CDH13: variants seen among roughly 807,000 people sequenced by gnomAD.
CDH13 encodes the protein cadherin 13.
CDH13 carries 24 observed loss-of-function variants against 63.8 expected under a neutral mutation model. That is an observed-to-expected ratio of 0.38 (90% CI 0.27 to 0.53). CDH13 has a LOEUF of 0.53. Ranked by LOEUF, CDH13 falls within the 20% of genes least tolerant of loss-of-function variation. CDH13 has a pLI of 0.85. For synonymous variants in CDH13, 503 were observed against 355.3 expected, an observed-to-expected ratio of 1.42 and a Z score of -4.67; for missense variants, 1,049 against 903.1, an observed-to-expected ratio of 1.16 and a Z score of -2.07.
intron 5 of CDH13, among the ~76,000 whole-genome samples, chr16:83,224,580 G>A (rs1208066984): frequency 6.6e-6 from 1 of 152,236 alleles, no homozygotes; most frequent in Admixed American, 6.5e-5. Flanking sequence ...AAGGATTTGG[G>A]TTAAAAGCCC....
At chr16:83,046,698 G>A (rs1187416401) in intron 3 of CDH13, among the ~76,000 whole-genome samples, 3 of 152,128 alleles carry the variant, frequency 2.0e-5, no homozygotes, top group Non-Finnish European at 4.4e-5. Context: ...AGGCAAAAGG[G>A]CTCAAAAAAC....
intron 3 of CDH13, among the ~76,000 whole-genome samples, chr16:83,056,705 C>G (rs765993604): frequency 6.6e-6 from 1 of 152,096 alleles, no homozygotes; most frequent in African/African-American, 2.4e-5. Flanking sequence ...AAGTGCAGCT[C>G]CCATAATCCC....
intron 5 of CDH13, among the ~76,000 whole-genome samples, chr16:83,303,184 G>A (rs1200049066): frequency 6.6e-6 from 1 of 152,228 alleles, no homozygotes; most frequent in Admixed American, 6.5e-5. Context: ...CCAAGGGAAA[G>A]CTTCCCCTTC....
chr16:82,931,924 C>T (rs2042508533), intron 2 of CDH13, among the ~76,000 whole-genome samples: 1 of 152,110 alleles, frequency 6.6e-6, no homozygotes, highest in Non-Finnish European at 1.5e-5. Context: ...TATCACCTTA[C>T]AAGTTCCATG....
intron 6 of CDH13, among the ~76,000 whole-genome samples, chr16:83,345,787 A>C (rs1294172095): frequency 6.6e-6 from 1 of 152,194 alleles, no homozygotes; most frequent in Non-Finnish European, 1.5e-5. Context: ...TTTAAAATAC[A>C]CTTGAGTGAA....
At chr16:83,560,985 G>A (rs964731603) in intron 7 of CDH13, among the ~76,000 whole-genome samples, 3 of 152,034 alleles carry the variant, frequency 2.0e-5, no homozygotes. Context: ...CAAGTAAGAA[G>A]TATGATCACC....
At chr16:82,866,433 G>T (rs1197151332) in intron 2 of CDH13, among the ~76,000 whole-genome samples, 14 of 117,544 alleles carry the variant, frequency 1.2e-4, no homozygotes, top group African/African-American at 4.3e-4. Flanking sequence ...TTGTCGCCCA[G>T]GCTGGAGTGC....
intron 1 of CDH13, among the ~76,000 whole-genome samples, chr16:82,691,568 T>C (rs1024556400): frequency 6.6e-6 from 1 of 152,158 alleles, no homozygotes; most frequent in African/African-American, 2.4e-5. Flanking sequence ...GGGGAGATTG[T>C]CTTCCAAATA....
rs1906151272 is a variant in CDH13, at chr16:82,956,627, T to G, written c.158-75383T>G. Reference sequence around the variant, plus strand: ...TTAATACAGCAGCGCCTGTCCTTCATGACCCAGCCCCTGATGCCATCTCTG... The same window carrying G: ...TTAATACAGCAGCGCCTGTCCTTCAGGACCCAGCCCCTGATGCCATCTCTG... On this transcript the variant is annotated intron_variant, in intron 2 of 13. Transcript: ENST00000567109. Among the ~76,000 whole-genome samples, 5 of 152,310 alleles carry G rather than the reference T, an allele frequency of 3.3e-5. No individual in the cohort carries two copies. In the South Asian group the frequency reaches 1.0e-3, roughly 32 times the overall value.
intron 2 of CDH13, among the ~76,000 whole-genome samples, chr16:82,903,174 C>T (rs2041525812): frequency 6.6e-6 from 1 of 152,232 alleles, no homozygotes; most frequent in East Asian, 1.9e-4. Flanking sequence ...CATAGGATAA[C>T]CCACAGAAAC....
chr16:82,748,031 C>A (rs2034254059), intron 1 of CDH13, among the ~76,000 whole-genome samples: 1 of 152,194 alleles, frequency 6.6e-6, no homozygotes, highest in African/African-American at 2.4e-5. Context: ...TTCCCAGATA[C>A]AGAGAAATCC....
At chr16:83,064,488 T>C (rs1165459299) in intron 3 of CDH13, among the ~76,000 whole-genome samples, 1 of 152,204 alleles carries the variant, frequency 6.6e-6, no homozygotes, top group Non-Finnish European at 1.5e-5. Context: ...GCTAGCCATA[T>C]TTAAAAAGTA....
At chr16:83,388,407 T>G (rs1228503134) in intron 6 of CDH13, among the ~76,000 whole-genome samples, 1 of 152,092 alleles carries the variant, frequency 6.6e-6, no homozygotes, top group Non-Finnish European at 1.5e-5. Flanking sequence ...GAGTCGTGAT[T>G]GTACCACTGC....
chr16:83,221,394 C>G (rs919154295), intron 5 of CDH13, among the ~76,000 whole-genome samples: 3 of 152,210 alleles, frequency 2.0e-5, no homozygotes, highest in Non-Finnish European at 4.4e-5. Context: ...GTATTGGAAG[C>G]TGACATACTA....
intron 2 of CDH13, among the ~76,000 whole-genome samples, chr16:82,935,419 G>A (rs1003480541): frequency 7.9e-5 from 12 of 152,320 alleles, no homozygotes; most frequent in African/African-American, 2.9e-4. Context: ...CAGACCGTAT[G>A]ACATGGTGAA....
intron 12 of CDH13, among the ~76,000 whole-genome samples, chr16:83,781,782 G>GA (rs1217883112): frequency 6.6e-6 from 1 of 151,746 alleles, no homozygotes; most frequent in African/African-American, 2.4e-5. Context: ...GGGGCGTGCA[G>GA]AGGGGGGTGA....
intron 5 of CDH13, among the ~76,000 whole-genome samples, chr16:83,285,149 T>C (rs1340741836): frequency 6.6e-6 from 1 of 152,186 alleles, no homozygotes; most frequent in Admixed American, 6.5e-5. Flanking sequence ...GATGTGATCC[T>C]ACCTGTAGAT....
At chr16:83,578,711 A>T (rs888854053) in intron 7 of CDH13, among the ~76,000 whole-genome samples, 1 of 152,204 alleles carries the variant, frequency 6.6e-6, no homozygotes, top group Non-Finnish European at 1.5e-5. Context: ...TCCAACTTCA[A>T]ACACCTTACA....
intron 3 of CDH13, among the ~76,000 whole-genome samples, chr16:83,108,682 G>A (rs898834449): frequency 4.6e-5 from 7 of 152,152 alleles, no homozygotes; most frequent in South Asian, 2.1e-4. Context: ...TTTTAGGCTC[G>A]AAGGCAGGGT....
Sources: gnomAD v4.1 joint callset for allele counts (sites outside exome capture counted in the v4.1 genomes callset) on GRCh38, gnomAD v4.1.1 for gene constraint, MANE v1.5 for transcripts, NCBI Gene and HGNC (gene_info 2026-07-23, HGNC 2026-07-21) for gene names.